Variants in PLCG2 observed in about 807,000 individuals in gnomAD.
The protein encoded by PLCG2 is phospholipase C gamma 2, also known as 1-phosphatidylinositol 4,5-bisphosphate phosphodiesterase gamma-2.
A neutral mutation model predicts 175.6 loss-of-function variants in PLCG2; 69 were observed. The ratio of observed to expected loss-of-function variants is 0.39; its 90% confidence interval spans 0.32 to 0.48. PLCG2 has a LOEUF of 0.48. PLCG2 is among the 20% of genes least tolerant of loss of function. The pLI is 0.91. For missense variants in PLCG2, 1,798 were observed against 1,650.9 expected (o/e 1.09, Z -1.54); for synonymous variants, 827 against 624.0 (o/e 1.33, Z -4.85).
intron 2 of PLCG2, among the ~76,000 whole-genome samples, chr16:81,828,882 A>G (rs1215268609): frequency 6.6e-6 from 1 of 152,108 alleles, no homozygotes; most frequent in African/African-American, 2.4e-5. Flanking sequence ...TGGGTGGATC[A>G]TGAGTTCAGG....
intron 19 of PLCG2, among the ~76,000 whole-genome samples, chr16:81,916,026 G>T (rs1327115736): frequency 6.6e-6 from 1 of 151,942 alleles, no homozygotes; most frequent in Non-Finnish European, 1.5e-5. Context: ...CTGTATCTAT[G>T]GAAAATATAT....
chr16:81,876,491 C>T (rs1304234329), intron 7 of PLCG2, among the ~76,000 whole-genome samples: 1 of 152,192 alleles, frequency 6.6e-6, no homozygotes, highest in Admixed American at 6.5e-5. Context: ...TGCCCTGGCC[C>T]CTGCTTCTGT....
At chr16:81,867,296 T>C (rs1014466729) in intron 5 of PLCG2, among the ~76,000 whole-genome samples, 7 of 152,236 alleles carry the variant, frequency 4.6e-5, no homozygotes, top group African/African-American at 1.4e-4. Context: ...GACCACTCTG[T>C]CTCAGCTCTG....
chr16:81,789,272 TCGCTTACGCGGATG>T (rs1333164053), intron 2 of PLCG2, among the ~76,000 whole-genome samples: 5 of 152,264 alleles, frequency 3.3e-5, no homozygotes, highest in Non-Finnish European at 5.9e-5. Flanking sequence ...ACCATTTCAC[TCGCTTACGCGGATG>T]CGCTCTCTCG....
At position 81,838,033 on chromosome 16, in the gene PLCG2, C is replaced by G. The variant is rs1217625736; in HGVS notation, c.194-16411C>G. Among the ~76,000 whole-genome samples the G allele has an allele frequency of 2.0e-5, 3 of 152,224 alleles. No homozygotes were observed. The East Asian group carries it at 5.8e-4, about 29-fold the overall frequency. ...TAAAGCAATGTAATGATTTCTTACA[C>G]CAATTCCATTTCCAAAATTTTAACA... On this transcript the variant is annotated intron_variant, in intron 2 of 32. Coordinates refer to ENST00000564138, the MANE Select transcript of PLCG2 (RefSeq NM_002661.5).
intron 5 of PLCG2, among the ~76,000 whole-genome samples, chr16:81,868,606 C>CAT (rs531076282): frequency 2.0e-4 from 30 of 152,330 alleles, no homozygotes; most frequent in African/African-American, 7.2e-4. Context: ...TGAAGAGTGT[C>CAT]ATAGTTACTC....
chr16:81,851,223 TAC>T (rs1906392320), intron 2 of PLCG2, among the ~76,000 whole-genome samples: 3 of 152,256 alleles, frequency 2.0e-5, no homozygotes, highest in African/African-American at 7.2e-5. Context: ...GCAAAAATAG[TAC>T]AGTTTCTGTG....
At chr16:81,848,504 T>G (rs1034211311) in intron 2 of PLCG2, among the ~76,000 whole-genome samples, 1 of 152,180 alleles carries the variant, frequency 6.6e-6, no homozygotes, top group African/African-American at 2.4e-5. Flanking sequence ...CATGTGCGTT[T>G]GCATTTCTCT....
chr16:81,818,538 A>G (rs1904652086), intron 2 of PLCG2, among the ~76,000 whole-genome samples: 1 of 152,032 alleles, frequency 6.6e-6, no homozygotes, highest in African/African-American at 2.4e-5. Context: ...CTGCACGGAA[A>G]TGGAGCTCCG....
intron 5 of PLCG2, among the ~76,000 whole-genome samples, chr16:81,862,243 G>T (rs917404957): frequency 6.6e-6 from 1 of 152,270 alleles, no homozygotes; most frequent in Non-Finnish European, 1.5e-5. Flanking sequence ...GGCTGGCCCA[G>T]CCCGGGCAAT....
chr16:81,770,667 C>T (rs1175218595), intron 2 of PLCG2, among the ~76,000 whole-genome samples: 4 of 151,998 alleles, frequency 2.6e-5, no homozygotes, highest in Non-Finnish European at 4.4e-5. Flanking sequence ...TTGCAGTGAG[C>T]TGAGATTGCG....
intron 5 of PLCG2, among the ~76,000 whole-genome samples, chr16:81,862,160 C>T (rs117353962): frequency 0.012 from 1,760 of 152,334 alleles, 20 homozygotes; most frequent in Non-Finnish European, 0.017. Context: ...CGAGACGAAT[C>T]GTGTTTCCTG....
intron 2 of PLCG2, among the ~76,000 whole-genome samples, chr16:81,769,700 G>C (rs890203631): frequency 6.6e-6 from 1 of 150,544 alleles, no homozygotes; most frequent in African/African-American, 2.4e-5. Flanking sequence ...GGCGCCTGTA[G>C]TCCCAGCTAC....
intron 2 of PLCG2, among the ~76,000 whole-genome samples, chr16:81,838,596 C>G (rs1905648572): frequency 6.6e-6 from 1 of 151,712 alleles, no homozygotes; most frequent in Admixed American, 6.6e-5. Flanking sequence ...ACATCACACA[C>G]CAGGGCCTGT....
intron 16 of PLCG2, 37 bp downstream of exon 16, chr16:81,907,811 C>G: frequency 1.3e-6 from 2 of 1,511,692 alleles, no homozygotes; most frequent in Non-Finnish European, 1.8e-6. Flanking sequence ...GAGGAGGTCC[C>G]CAGGAACCCC....
At chr16:81,852,310 T>G (rs1463995022) in intron 2 of PLCG2, among the ~76,000 whole-genome samples, 1 of 152,094 alleles carries the variant, frequency 6.6e-6, no homozygotes, top group Non-Finnish European at 1.5e-5. Flanking sequence ...CCCGAACCAG[T>G]CACTGAGCCA....
At chr16:81,805,761 TGTTTTG>T (rs1567473487) in intron 2 of PLCG2, among the ~76,000 whole-genome samples, 2,440 of 94,070 alleles carry the variant, frequency 0.026, 138 homozygotes, top group African/African-American at 0.085. Flanking sequence ...AGTAGTGTTT[TGTTTTG>T]TTTTTTTTTT....
chr16:81,797,865 T>A (rs907948585), intron 2 of PLCG2, among the ~76,000 whole-genome samples: 5 of 151,262 alleles, frequency 3.3e-5, no homozygotes, highest in Admixed American at 3.3e-4. Flanking sequence ...GGAGTCTCAC[T>A]CTGTCCCCAG....
rs140771689 is a variant in PLCG2, at chr16:81,793,619, C to G, written c.193+7437C>G. Among the ~76,000 whole-genome samples, 494 of 152,312 alleles carry G rather than the reference C, an allele frequency of 3.2e-3. 1 individual carries two copies. Among genetic ancestry groups the G allele is most frequent in the African/African-American group, 0.011 (475 of 41,570 alleles). On this transcript the variant is annotated intron_variant, in intron 2 of 32. Coordinates refer to ENST00000564138, the MANE Select transcript of PLCG2 (RefSeq NM_002661.5). ...TGGCTGCCCATGAGTGACGGATTCTCAAACATATGAGCTGTCTGTTTCCTT... is the reference window on the plus strand; with the variant it reads ...TGGCTGCCCATGAGTGACGGATTCTGAAACATATGAGCTGTCTGTTTCCTT...
Sources: allele counts gnomAD v4.1 joint callset (sites outside exome capture counted in the v4.1 genomes callset), GRCh38; gene constraint gnomAD v4.1.1; transcripts MANE v1.5; gene names NCBI Gene and HGNC (gene_info 2026-07-23, HGNC 2026-07-21).